The following OSBPL9 variants were observed in gnomAD, a reference collection of about 807,000 sequenced individuals.
OSBPL9 encodes the protein oxysterol binding protein like 9.
OSBPL9 carries 40 observed loss-of-function variants against 106.6 expected under a neutral mutation model. The ratio of observed to expected loss-of-function variants is 0.38; its 90% CI spans 0.29 to 0.49. The LOEUF is 0.49. Ranked by LOEUF, OSBPL9 falls within the 20% of genes least tolerant of loss-of-function variation. OSBPL9 has a pLI of 0.97. For missense variants in OSBPL9, 609 were observed against 887.2 expected (o/e 0.69, Z 3.98); for synonymous variants, 269 against 295.4 (o/e 0.91, Z 0.92).
chr1:51,572,997 A>G (rs1645159738), upstream of OSBPL9, among the ~76,000 whole-genome samples: 1 of 152,136 alleles, frequency 6.6e-6, no homozygotes, highest in African/African-American at 2.4e-5. Context: ...GGATCACCTG[A>G]GATGAGGAGT....
At chr1:51,652,252 A>G (rs1345341639) in intron 2 of OSBPL9, among the ~76,000 whole-genome samples, 1 of 152,194 alleles carries the variant, frequency 6.6e-6, no homozygotes, top group Non-Finnish European at 1.5e-5. Context: ...CCATGATTCA[A>G]TGTTGTATTT....
intron 1 of OSBPL9, among the ~76,000 whole-genome samples, chr1:51,586,422 A>T (rs1193053086): frequency 6.6e-6 from 1 of 152,162 alleles, no homozygotes; most frequent in Non-Finnish European, 1.5e-5. Flanking sequence ...CATTCTATGG[A>T]TATATCATAC....
At chr1:51,743,928 G>A (rs191473840) in intron 4 of OSBPL9, among the ~76,000 whole-genome samples, 12 of 151,856 alleles carry the variant, frequency 7.9e-5, no homozygotes, top group Admixed American at 7.9e-4. Flanking sequence ...TTTAAACACA[G>A]TTTTATAAAT....
intron 8 of OSBPL9, chr1:51,752,465 ATTTG>A (rs889835122): frequency 3.8e-5 from 17 of 452,878 alleles, no homozygotes; most frequent in African/African-American, 1.6e-4. Flanking sequence ...TACACGATAT[ATTTG>A]TTTGTTTATC....
intron 4 of OSBPL9, among the ~76,000 whole-genome samples, chr1:51,722,883 A>G (rs1237451836): frequency 6.6e-6 from 1 of 152,218 alleles, no homozygotes; most frequent in Non-Finnish European, 1.5e-5. Flanking sequence ...CCTGTTTCCA[A>G]GAGTTGTCTT....
intron 1 of OSBPL9, among the ~76,000 whole-genome samples, chr1:51,579,738 G>A (rs1645209998): frequency 6.6e-6 from 1 of 151,864 alleles, no homozygotes; most frequent in African/African-American, 2.4e-5. Flanking sequence ...GTGCATGCCT[G>A]TAGTCCCAGC....
Position 51,601,499 on chromosome 1 carries a change from C to T in OSBPL9, c.-353+3306C>T, listed in dbSNP as rs766123676. 3.1e-4 allele frequency among the ~76,000 whole-genome samples: 47 copies of T among 152,236 alleles called. 1 individual carries two copies. The highest frequency in any genetic ancestry group is 8.3e-4 in the South Asian group (4 of 4,830). ...TTCAGCTTCATCTCCCCCATGGGTT[C>T]ACTTGTCCCATCACATCTGGAAGAT... On this transcript the variant is annotated intron_variant, in intron 2 of 25. Transcript: ENST00000371714.
intron 3 of OSBPL9, among the ~76,000 whole-genome samples, chr1:51,671,183 T>C (rs78250115): frequency 0.1 from 15,979 of 152,256 alleles, 961 homozygotes; most frequent in Middle Eastern, 0.21. Flanking sequence ...AGTTTTAGCA[T>C]GAGATCTGGA....
intron 4 of OSBPL9, among the ~76,000 whole-genome samples, chr1:51,720,896 C>T (rs1177985024): frequency 6.7e-6 from 1 of 149,940 alleles, no homozygotes; most frequent in Non-Finnish European, 1.5e-5. Context: ...CTCCCAGGCT[C>T]AAGCAGTCCT....
chr1:51,665,770 G>A (rs1648311424), intron 2 of OSBPL9, among the ~76,000 whole-genome samples: 1 of 152,178 alleles, frequency 6.6e-6, no homozygotes, highest in Non-Finnish European at 1.5e-5. Flanking sequence ...GGTCCAGAAA[G>A]TAATGTTTTT....
the OSBPL9 span, among the ~76,000 whole-genome samples, chr1:51,520,895 C>G: frequency 6.6e-6 from 1 of 152,180 alleles, no homozygotes; most frequent in African/African-American, 2.4e-5. Context: ...TTCTTTTTTG[C>G]TGCTAATCTC....
At chr1:51,756,462 A>C in intron 9 of OSBPL9, 104 bp downstream of exon 9, 1 of 1,069,072 alleles carries the variant, frequency 9.4e-7, no homozygotes, top group Non-Finnish European at 1.4e-6. Flanking sequence ...AATGCCAACT[A>C]CTCACTGCTT....
intron 12 of OSBPL9, 112 bp downstream of exon 12, chr1:51,766,093 G>GA (rs759801531): frequency 6.2e-6 from 7 of 1,131,978 alleles, no homozygotes; most frequent in Non-Finnish European, 8.3e-6. Context: ...TATTATTTGG[G>GA]AAAATTAAAA....
intron 14 of OSBPL9, among the ~76,000 whole-genome samples, chr1:51,773,802 T>C (rs1174600040): frequency 1.3e-5 from 2 of 152,170 alleles, no homozygotes; most frequent in Non-Finnish European, 2.9e-5. Flanking sequence ...ACCCCTAATC[T>C]AAGTGAGAAC....
At chr1:51,615,255 AAAAAC>A (rs147586998), upstream of OSBPL9, among the ~76,000 whole-genome samples, 3,125 of 152,220 alleles carry the variant, frequency 0.021, 59 homozygotes, top group Middle Eastern at 0.086. Flanking sequence ...TCCATCTCAA[AAAAAC>A]AAAACAAAAC....
chr1:51,617,813 T>C (rs1644160199), intron 1 of OSBPL9, among the ~76,000 whole-genome samples: 1 of 152,064 alleles, frequency 6.6e-6, no homozygotes, highest in Non-Finnish European at 1.5e-5. Flanking sequence ...GGAGGCGAGC[T>C]CAAACGACGC....
At chr1:51,753,480 G>A (rs1189515336) in intron 8 of OSBPL9, among the ~76,000 whole-genome samples, 1 of 152,154 alleles carries the variant, frequency 6.6e-6, no homozygotes. Flanking sequence ...AACACATCTG[G>A]TAAAAGTTGG....
intron 2 of OSBPL9, among the ~76,000 whole-genome samples, chr1:51,604,799 G>A (rs1228244895): frequency 6.6e-6 from 1 of 151,856 alleles, no homozygotes; most frequent in African/African-American, 2.4e-5. Flanking sequence ...GATTACAGGC[G>A]CCTGCCACCA....
chr1:51,756,199 C>T, intron 8 of OSBPL9, 121 bp from the exon 9 acceptor site: 1 of 762,350 alleles, frequency 1.3e-6, no homozygotes, highest in Non-Finnish European at 2.2e-6. Context: ...TTAGTGGAGG[C>T]AGATAAATCA....
Sources: allele counts gnomAD v4.1 joint callset (sites outside exome capture counted in the v4.1 genomes callset), GRCh38; gene constraint gnomAD v4.1.1; transcripts MANE v1.5; gene names NCBI Gene and HGNC (gene_info 2026-07-23, HGNC 2026-07-21).